The following VTI1A variants were observed in gnomAD, a reference collection of about 807,000 sequenced individuals.
VTI1A encodes vesicle transport through interaction with t-SNAREs homolog 1A.
VTI1A carries 22 observed loss-of-function variants against 34.9 expected under a neutral mutation model. The observed-to-expected ratio is 0.63, with a 90% CI of 0.45 to 0.90. VTI1A has a LOEUF of 0.90. Ranked by LOEUF, VTI1A falls within the 40% of genes least tolerant of loss-of-function variation. The pLI is 0.00. For synonymous variants in VTI1A, 87 were observed against 97.3 expected (o/e 0.89, Z 0.62); for missense variants, 268 against 275.6 (o/e 0.97, Z 0.20).
chr10:112,673,020 A>G lies in VTI1A; in HGVS notation c.560+4022A>G, dbSNP rs558797125. Among the ~76,000 whole-genome samples, 8 of 152,010 alleles carry G rather than the reference A, an allele frequency of 5.3e-5. No individual in the cohort carries two copies. The South Asian group carries it at 1.7e-3, about 32-fold the overall frequency. On this transcript the variant is annotated intron_variant, in intron 7 of 7. Transcript: ENST00000393077. The stretch of plus-strand genomic sequence containing the variant: ...TTGTATATGCTGGCAAAGTGCTTAT[A>G]AAAAAAATGGCATAAGCCAGGTGTG...
chr10:112,618,524 T>TATATAGAGAGAGAGAGAGAGAGAG (rs748276058), intron 5 of VTI1A, among the ~76,000 whole-genome samples: 14 of 34,576 alleles, frequency 4.0e-4, no homozygotes, highest in African/African-American at 1.3e-3. Flanking sequence ...TATATATATA[T>TATATAGAGAGAGAGAGAGAGAGAG]AGAGAGAGAG....
At chr10:112,464,890 A>G in intron 3 of VTI1A, 1 of 549,518 alleles carries the variant, frequency 1.8e-6, no homozygotes, top group Non-Finnish European at 3.2e-6. Context: ...CGGCCCTTTG[A>G]GTCTGAATGG....
intron 7 of VTI1A, among the ~76,000 whole-genome samples, chr10:112,687,885 G>T (rs1368392154): frequency 6.6e-6 from 1 of 151,750 alleles, no homozygotes; most frequent in South Asian, 2.1e-4. Flanking sequence ...AAGGAAATGG[G>T]CACAGCCCTA....
chr10:112,709,993 A>G (rs1012933256), intron 7 of VTI1A, among the ~76,000 whole-genome samples: 12 of 144,590 alleles, frequency 8.3e-5, no homozygotes, highest in African/African-American at 2.9e-4. Flanking sequence ...CTTGTTGGAC[A>G]GATCTAGTAT....
chr10:112,833,882 G>A, the VTI1A span, among the ~76,000 whole-genome samples: 6,292 of 152,218 alleles, frequency 0.041, 178 homozygotes, highest in African/African-American at 0.08. Flanking sequence ...GTTCAAAGGG[G>A]CTGACTCCAT....
At chr10:112,569,072 T>C (rs1852015307) in intron 5 of VTI1A, among the ~76,000 whole-genome samples, 1 of 151,942 alleles carries the variant, frequency 6.6e-6, no homozygotes, top group Non-Finnish European at 1.5e-5. Context: ...GGAGAATCAT[T>C]TGAACCCAGG....
At chr10:112,551,185 C>T (rs772428789) in intron 5 of VTI1A, among the ~76,000 whole-genome samples, 1 of 136,356 alleles carries the variant, frequency 7.3e-6, no homozygotes, top group Admixed American at 8.6e-5. Context: ...CGGAGCTTGC[C>T]GTGAGCAGAG....
chr10:112,683,290 T>C (rs1430090133), intron 7 of VTI1A, among the ~76,000 whole-genome samples: 2 of 152,104 alleles, frequency 1.3e-5, no homozygotes, highest in African/African-American at 4.8e-5. Context: ...GGGATGAGAG[T>C]GTAACATATA....
chr10:112,533,090 A>G (rs1381109567), intron 4 of VTI1A, among the ~76,000 whole-genome samples: 1 of 152,112 alleles, frequency 6.6e-6, no homozygotes, highest in South Asian at 2.1e-4. Flanking sequence ...AATCATTTTC[A>G]TTTGTAGGTA....
At chr10:112,846,566 AC>A in the VTI1A span, among the ~76,000 whole-genome samples, 1 of 152,144 alleles carries the variant, frequency 6.6e-6, no homozygotes, top group Admixed American at 6.5e-5. Context: ...GGAGATCAAG[AC>A]CATCCTGGCC....
At chr10:112,747,282 G>A (rs1207929214) in intron 7 of VTI1A, among the ~76,000 whole-genome samples, 1 of 152,218 alleles carries the variant, frequency 6.6e-6, no homozygotes, top group African/African-American at 2.4e-5. Flanking sequence ...ATTCTTATTA[G>A]CATGCATTGC....
chr10:112,492,159 G>T (rs952234829), intron 3 of VTI1A, among the ~76,000 whole-genome samples: 1 of 152,198 alleles, frequency 6.6e-6, no homozygotes, highest in East Asian at 1.9e-4. Flanking sequence ...AGATTCTGTC[G>T]TCTCCAATCT....
intron 3 of VTI1A, among the ~76,000 whole-genome samples, chr10:112,470,427 G>C (rs1242552051): frequency 6.6e-6 from 1 of 152,164 alleles, no homozygotes; most frequent in Non-Finnish European, 1.5e-5. Context: ...TTATACTGTA[G>C]TGCAGAAAAG....
At chr10:112,565,788 AAAG>A (rs1564829143) in intron 5 of VTI1A, among the ~76,000 whole-genome samples, 1 of 152,202 alleles carries the variant, frequency 6.6e-6, no homozygotes, top group Non-Finnish European at 1.5e-5. Flanking sequence ...ATATAACAAA[AAAG>A]AACATATTTT....
At chr10:112,489,453 A>C (rs1848750518) in intron 3 of VTI1A, among the ~76,000 whole-genome samples, 1 of 152,222 alleles carries the variant, frequency 6.6e-6, no homozygotes, top group Admixed American at 6.5e-5. Flanking sequence ...ATATTAGTGA[A>C]ATACATTTCC....
At chr10:112,728,561 G>C (rs183141864) in intron 7 of VTI1A, among the ~76,000 whole-genome samples, 1 of 152,292 alleles carries the variant, frequency 6.6e-6, no homozygotes, top group African/African-American at 2.4e-5. Context: ...TAAAGAGACT[G>C]ATAACCCAGG....
At position 112,458,957 on chromosome 10, in the gene VTI1A, C is replaced by T. The variant is rs182095607; in HGVS notation, c.95-1567C>T. Among the ~76,000 whole-genome samples the T allele has an allele frequency of 2.4e-3, 367 of 152,230 alleles. 2 individuals carry two copies. Among genetic ancestry groups the T allele is most frequent in the African/African-American group, 8.6e-3 (358 of 41,536 alleles). On this transcript the variant is annotated intron_variant, in intron 1 of 7. Transcript: ENST00000393077. Reference sequence around the variant, plus strand: ...CTGAGGTTACAGGCGTGAGCCACCGCGCCCGGCCAGTGAAATAATAATTTC... The same window carrying T: ...CTGAGGTTACAGGCGTGAGCCACCGTGCCCGGCCAGTGAAATAATAATTTC...
At chr10:112,484,720 T>C (rs1848560246) in intron 3 of VTI1A, among the ~76,000 whole-genome samples, 1 of 152,078 alleles carries the variant, frequency 6.6e-6, no homozygotes. Flanking sequence ...ATAGTAGCTG[T>C]TCAATAAGTG....
intron 7 of VTI1A, among the ~76,000 whole-genome samples, chr10:112,676,515 T>C (rs190386616): frequency 4.6e-5 from 7 of 152,348 alleles, no homozygotes; most frequent in African/African-American, 1.7e-4. Context: ...GAATCTCCCA[T>C]GGTGATGTCC....
Sources: gnomAD v4.1 joint callset for allele counts (sites outside exome capture counted in the v4.1 genomes callset) on GRCh38, gnomAD v4.1.1 for gene constraint, MANE v1.5 for transcripts, NCBI Gene and HGNC (gene_info 2026-07-23, HGNC 2026-07-21) for gene names.